Variants in ATP2C2 observed in about 807,000 individuals in gnomAD.
ATP2C2 encodes the protein calcium-transporting ATPase type 2C member 2.
A neutral mutation model predicts 110.8 loss-of-function variants in ATP2C2; 171 were observed. The observed-to-expected ratio is 1.54, with a 90% CI of 1.36 to 1.75. The LOEUF (loss-of-function observed/expected upper bound fraction) is 1.75, where lower values mean the gene tolerates loss of function less well. Among genes scored for constraint, ATP2C2 ranks in the 40% most tolerant of loss-of-function variants. ATP2C2 has a pLI of 0.00. For synonymous variants in ATP2C2, 804 were observed against 508.4 expected (o/e 1.58, Z -7.82); for missense variants, 1,963 against 1,235.0 (o/e 1.59, Z -8.84).
In ATP2C2 at chr16:84,453,192, T is replaced by G; in HGVS notation, c.1886T>G (p.Val629Gly). Residue 629 changes from valine (V) to glycine (G), a missense_variant, in exon 19 of 27, where the codon GTG becomes GGG. By Grantham distance (109) the Val-to-Gly change is moderately radical. Coordinates refer to ENST00000262429, the MANE Select transcript of ATP2C2 (RefSeq NM_014861.4). ...GKLQAMSGEE[V>G]DSVEKGELAD... ...CTGCAAGCCATGTCCGGGGAGGAGG[T>G]GGACAGCGTGGAGAAGGGCGAGCTG... 6.2e-7 allele frequency: 1 copy of G among 1,613,372 alleles called. No individual in the cohort carries two copies. Among genetic ancestry groups the G allele is most frequent in the Non-Finnish European group, 8.5e-7 (1 of 1,179,794 alleles).
chr16:84,429,060 G>GAAT (rs1347912538), intron 11 of ATP2C2, among the ~76,000 whole-genome samples: 2 of 152,176 alleles, frequency 1.3e-5, no homozygotes, highest in Non-Finnish European at 2.9e-5. Flanking sequence ...GGGGTCTATT[G>GAAT]AATGTAGGAT....
At chr16:84,447,387 C>T (rs952676403) in intron 16 of ATP2C2, among the ~76,000 whole-genome samples, 4 of 152,004 alleles carry the variant, frequency 2.6e-5, no homozygotes, top group East Asian at 1.9e-4. Context: ...AGAAATATGA[C>T]ATAAAAATGA....
At chr16:84,455,070 A>ATAGAGG in intron 21 of ATP2C2, 86 bp downstream of exon 21, 1 of 1,198,578 alleles carries the variant, frequency 8.3e-7, no homozygotes, top group Non-Finnish European at 1.2e-6. Context: ...GTGGAGATAG[A>ATAGAGG]GGGGGGGGTC....
chr16:84,429,695 G>T (rs930631331), intron 11 of ATP2C2, among the ~76,000 whole-genome samples: 1 of 152,164 alleles, frequency 6.6e-6, no homozygotes, highest in Non-Finnish European at 1.5e-5. Context: ...GCAGAGGCAG[G>T]TGGGAGAGGG....
At chr16:84,438,190 T>G (rs1295937496) in intron 11 of ATP2C2, among the ~76,000 whole-genome samples, 1 of 152,210 alleles carries the variant, frequency 6.6e-6, no homozygotes, top group African/African-American at 2.4e-5. Flanking sequence ...AAAGGAAAAT[T>G]TCAAGCCTGT....
chr16:84,438,284 C>A (rs1908923442), intron 11 of ATP2C2, among the ~76,000 whole-genome samples: 1 of 152,180 alleles, frequency 6.6e-6, no homozygotes, highest in Non-Finnish European at 1.5e-5. Flanking sequence ...ACACTCTTGC[C>A]CTTTCTACAG....
At chr16:84,379,333 C>G (rs1297287185) in intron 1 of ATP2C2, among the ~76,000 whole-genome samples, 1 of 152,168 alleles carries the variant, frequency 6.6e-6, no homozygotes, top group Non-Finnish European at 1.5e-5. Flanking sequence ...CACAACCATG[C>G]TTGGCTAATT....
rs1909045606 is a variant in ATP2C2 at position 84,439,463 on chromosome 16, C to G, written c.1148C>G (p.Thr383Ser). 6.2e-7 allele frequency: 1 copy of G among 1,614,014 alleles called. No individual in the cohort carries two copies. ...CSVLCSDKTG[T>S]LTANEMTVTQ... Reference sequence around the variant, plus strand: ...GTTCTCTGTTCTGACAAGACGGGGACTCTGACTGCCAATGAAATGACAGTG... The same window carrying G: ...GTTCTCTGTTCTGACAAGACGGGGAGTCTGACTGCCAATGAAATGACAGTG... Residue 383 changes from threonine (T) to serine (S), a missense_variant, in exon 13 of 27, where the codon ACT (threonine) becomes AGT (serine). Physicochemically the swap from Thr to Ser is moderately conservative, Grantham distance 58. Transcript: ENST00000262429.
chr16:84,423,102 T>A (rs1035575041), intron 9 of ATP2C2, 86 bp from the exon 10 acceptor site: 39 of 1,183,066 alleles, frequency 3.3e-5, no homozygotes, highest in Non-Finnish European at 4.4e-5. Context: ...ACTGAAGCTG[T>A]AGGATGGCAA....
At chr16:84,395,288 G>A (rs538295295) in intron 1 of ATP2C2, among the ~76,000 whole-genome samples, 1 of 151,956 alleles carries the variant, frequency 6.6e-6, no homozygotes, top group Non-Finnish European at 1.5e-5. Context: ...CTCCCCTCCA[G>A]TGTCACTGCA....
At chr16:84,412,548 G>A (rs28551108) in intron 6 of ATP2C2, among the ~76,000 whole-genome samples, 43 of 420 alleles carry the variant, frequency 0.1, 1 homozygote, top group South Asian at 0.4. Context: ...GTGTGTATGC[G>A]TGTGTGTGTG....
At chr16:84,459,074 C>G (rs747533570) in intron 21 of ATP2C2, 46 bp from the exon 22 acceptor site, 1 of 1,606,342 alleles carries the variant, frequency 6.2e-7, no homozygotes, top group Non-Finnish European at 8.5e-7. Flanking sequence ...TGGTCCAGCC[C>G]TCACGCAGGC....
chr16:84,387,092 C>T (rs1597740322), intron 1 of ATP2C2, among the ~76,000 whole-genome samples: 1 of 151,994 alleles, frequency 6.6e-6, no homozygotes, highest in East Asian at 1.9e-4. Context: ...TGACGACTAT[C>T]ACTGAACAAG....
At chr16:84,453,393 C>A in intron 20 of ATP2C2, 22 bp downstream of exon 20, 1 of 1,613,984 alleles carries the variant, frequency 6.2e-7, no homozygotes, top group South Asian at 1.1e-5. Context: ...AAGGCAGGCA[C>A]AGGCTGCGCT....
At chr16:84,383,366 G>A (rs1910697153) in intron 1 of ATP2C2, among the ~76,000 whole-genome samples, 1 of 152,204 alleles carries the variant, frequency 6.6e-6, no homozygotes, top group Non-Finnish European at 1.5e-5. Flanking sequence ...CAACAAAATG[G>A]GCACAGCGCC....
chr16:84,435,891 G>A (rs905849952), intron 11 of ATP2C2, among the ~76,000 whole-genome samples: 1 of 151,944 alleles, frequency 6.6e-6, no homozygotes, highest in Admixed American at 6.6e-5. Context: ...CACTTTGGGA[G>A]GCCGAGGCAG....
intron 21 of ATP2C2, among the ~76,000 whole-genome samples, chr16:84,456,152 T>G (rs1318057730): frequency 8.6e-6 from 1 of 116,682 alleles, no homozygotes; most frequent in Non-Finnish European, 1.8e-5. Flanking sequence ...TAAAATGAGT[T>G]AGGGAGGATT....
At chr16:84,382,957 C>A (rs912121081) in intron 1 of ATP2C2, among the ~76,000 whole-genome samples, 1 of 152,026 alleles carries the variant, frequency 6.6e-6, no homozygotes, top group Non-Finnish European at 1.5e-5. Flanking sequence ...AGAGCTGCCC[C>A]TCTTCCTGGA....
At chr16:84,368,829 T>TC in intron 1 of ATP2C2, 115 bp downstream of exon 1, 1 of 880,860 alleles carries the variant, frequency 1.1e-6, no homozygotes, top group East Asian at 3.2e-5. Flanking sequence ...CTCGCCCTCC[T>TC]CCCCTGGCTC....
Sources: allele counts gnomAD v4.1 joint callset (sites outside exome capture counted in the v4.1 genomes callset), GRCh38; gene constraint gnomAD v4.1.1; transcripts MANE v1.5; gene names NCBI Gene and HGNC (gene_info 2026-07-23, HGNC 2026-07-21).